The following ZNF736 variants were observed in gnomAD, a reference collection of about 807,000 sequenced individuals.
ZNF736 encodes the protein zinc finger protein 736.
ZNF736 carries 6 observed loss-of-function variants against 11.7 expected under a neutral mutation model. The ratio of observed to expected loss-of-function variants is 0.51; its 90% CI spans 0.28 to 1.01. The LOEUF is 1.01. Ranked by LOEUF, ZNF736 falls within the 50% of genes least tolerant of loss-of-function variation. ZNF736 has a pLI of 0.09. For missense variants in ZNF736, 444 were observed against 496.0 expected, an observed-to-expected ratio of 0.90 and a Z score of 1.00; for synonymous variants, 139 against 164.7, an observed-to-expected ratio of 0.84 and a Z score of 1.19.
In ZNF736 at chr7:64,319,488, CCTTTTTTTTT is replaced by C. The variant is rs886940865; in HGVS notation, c.3+5336_3+5345del. Among the ~76,000 whole-genome samples the C allele has an allele frequency of 1.1e-4, 8 of 75,266 alleles. 1 individual carries two copies. Among genetic ancestry groups the C allele is most frequent in the African/African-American group, 4.4e-4 (8 of 18,366 alleles). 49.4% of individuals were successfully genotyped at this position (75,266 alleles called of 152,430 possible). A position where few individuals can be genotyped will look rare whatever the true frequency, so the allele number is the denominator to read the frequency against. On this transcript the variant is annotated intron_variant, in intron 1 of 3. Coordinates refer to ENST00000423484, the MANE Select transcript of ZNF736 (RefSeq NM_001170905.3). ...CCAGGTAAATAGAAAACATTTCTTC[CCTTTTTTTTT>C]TTTTTTTTTTTTTTTGAGACAGAGT...
At chr7:64,337,121 T>G in intron 3 of ZNF736, 139 bp downstream of exon 3, 1 of 755,364 alleles carries the variant, frequency 1.3e-6, no homozygotes, top group African/African-American at 1.8e-5. Context: ...TTTCTCTTGC[T>G]TTAACATAGG....
At chr7:64,343,848 A>G (rs1444352817) in intron 3 of ZNF736, among the ~76,000 whole-genome samples, 1 of 152,230 alleles carries the variant, frequency 6.6e-6, no homozygotes, top group Non-Finnish European at 1.5e-5. Context: ...CAATGTTTGG[A>G]CAAAAGTCAG....
At chr7:64,346,369 T>C (rs189262270) in intron 3 of ZNF736, among the ~76,000 whole-genome samples, 2 of 152,176 alleles carry the variant, frequency 1.3e-5, no homozygotes, top group Admixed American at 1.3e-4. Context: ...CTTGAAGACA[T>C]GATATAGTTA....
chr7:64,344,570 A>C (rs1469161032), intron 3 of ZNF736, among the ~76,000 whole-genome samples: 1 of 152,198 alleles, frequency 6.6e-6, no homozygotes, highest in Non-Finnish European at 1.5e-5. Flanking sequence ...TGGCTGGCTT[A>C]CTAATTTAGC....
rs1281936738 is a variant in ZNF736, at chr7:64,350,492, T to C, written c.*1345T>C. ...CCCTTGCATTGGGTTGCAAATTACT[T>C]TTGTAACTCAGTGAAGTTTGTTTCT... On this transcript the variant is annotated 3_prime_UTR_variant, in exon 4 of 4. Coordinates refer to ENST00000423484, the MANE Select transcript of ZNF736 (RefSeq NM_001170905.3). 1 of 152,222 alleles carries C rather than the reference T, an allele frequency of 6.6e-6. No individual in the cohort carries two copies. Among genetic ancestry groups the C allele is most frequent in the African/African-American group, 2.4e-5 (1 of 41,460 alleles). The allele number at this position is 152,222 out of a possible 1,614,324, so 9.4% of individuals were successfully genotyped here.
At position 64,354,569 on chromosome 7, in the gene ZNF736, G is replaced by A. The variant is rs1789530455; in HGVS notation, c.*5422G>A. On this transcript the variant is annotated 3_prime_UTR_variant, in exon 4 of 4. Transcript: ENST00000423484. Reference sequence around the variant, plus strand: ...TGTGCAAATTCTTTTTTTGTTGTTTGTCTGTTTGCCTGTTGCTCACCATAG... The same window carrying A: ...TGTGCAAATTCTTTTTTTGTTGTTTATCTGTTTGCCTGTTGCTCACCATAG... 1 of 151,760 alleles carries A rather than the reference G, an allele frequency of 6.6e-6. No individual in the cohort carries two copies. Among genetic ancestry groups the A allele is most frequent in the South Asian group, 2.1e-4 (1 of 4,820 alleles). The allele number at this position is 151,760 out of a possible 1,614,324, so 9.4% of individuals were successfully genotyped here.
intron 3 of ZNF736, among the ~76,000 whole-genome samples, chr7:64,339,754 C>A (rs1482215699): frequency 7.2e-6 from 1 of 139,554 alleles, no homozygotes; most frequent in Non-Finnish European, 1.6e-5. Flanking sequence ...CTCAAAACTG[C>A]TTTGGATATT....
At position 64,336,944 on chromosome 7, in the gene ZNF736, G is replaced by C; in HGVS notation, c.188G>C (p.Trp63Ser). 1 of 1,605,124 alleles carries C rather than the reference G, an allele frequency of 6.2e-7. No homozygotes were observed. The highest frequency in any genetic ancestry group is 8.5e-7 in the Non-Finnish European group (1 of 1,175,584). ...MTCLEQRKEP[W>S]KVKRQEAVAK... ...TGTCTGGAGCAAAGAAAAGAGCCTT[G>C]GAAAGTGAAGAGACAGGAGGCAGTA... is the stretch of plus-strand genomic sequence containing the variant. Residue 63 changes from tryptophan to serine, a missense_variant, in exon 3 of 4, where the codon TGG becomes TCG. Coordinates refer to ENST00000423484, the MANE Select transcript of ZNF736 (RefSeq NM_001170905.3).
intron 3 of ZNF736, among the ~76,000 whole-genome samples, chr7:64,341,108 ATTCTGTTGTGAC>A (rs553359837): frequency 2.7e-4 from 41 of 151,978 alleles, no homozygotes; most frequent in African/African-American, 9.2e-4. Flanking sequence ...CTGATCATTA[ATTCTGTTGTGAC>A]TCTACAAAAT....
intron 1 of ZNF736, among the ~76,000 whole-genome samples, chr7:64,318,432 G>A (rs1313684588): frequency 6.6e-6 from 1 of 151,796 alleles, no homozygotes; most frequent in Admixed American, 6.6e-5. Flanking sequence ...CCATTTACAT[G>A]CTTTATTTAT....
At position 64,349,435 on chromosome 7, in the gene ZNF736, G is replaced by T. The variant is rs1373092051; in HGVS notation, c.*288G>T. 4 of 263,640 alleles carry T rather than the reference G, an allele frequency of 1.5e-5. No homozygotes were observed. Among genetic ancestry groups the T allele is most frequent in the Admixed American group, 9.6e-5 (2 of 20,940 alleles). The allele number at this position is 263,640 out of a possible 1,614,324, so 16.3% of individuals were successfully genotyped here. On this transcript the variant is annotated 3_prime_UTR_variant, in exon 4 of 4. Coordinates refer to ENST00000423484, the MANE Select transcript of ZNF736 (RefSeq NM_001170905.3). ...TTCCTGTTTTCTATTTGCTTGGTAG[G>T]CTTTTCTTTTTCCCTTTATTTTGAG...
chr7:64,317,361 A>G (rs1788932257), intron 1 of ZNF736, among the ~76,000 whole-genome samples: 1 of 152,200 alleles, frequency 6.6e-6, no homozygotes, highest in African/African-American at 2.4e-5. Flanking sequence ...TTTTTTTCCA[A>G]TAAAATGAAT....
chr7:64,341,488 T>G (rs1789336979), intron 3 of ZNF736, among the ~76,000 whole-genome samples: 1 of 152,194 alleles, frequency 6.6e-6, no homozygotes, highest in South Asian at 2.1e-4. Flanking sequence ...GTGTGTAATT[T>G]CTAAGTTAAA....
At position 64,343,301 on chromosome 7, in the gene ZNF736, G is replaced by GA. The variant is rs981491169; in HGVS notation, c.227-4782dup. 1.1e-4 allele frequency among the ~76,000 whole-genome samples: 17 copies of GA among 152,152 alleles called. No homozygotes were observed. The Middle Eastern group carries it at 0.01, about 92-fold the overall frequency. On this transcript the variant is annotated intron_variant, in intron 3 of 3. Transcript: ENST00000423484. The stretch of plus-strand genomic sequence containing the variant: ...AGCCCTTATCTTAAGTAAATTAATG[G>GA]AAAAAAACCAGAAAGGCAAATACTG...
At chr7:64,317,446 G>T (rs1242482790) in intron 1 of ZNF736, among the ~76,000 whole-genome samples, 4 of 152,080 alleles carry the variant, frequency 2.6e-5, no homozygotes, top group African/African-American at 9.7e-5. Flanking sequence ...AAACAGATTG[G>T]TGGCCATGCC....
intron 1 of ZNF736, among the ~76,000 whole-genome samples, chr7:64,329,043 G>C (rs1789121918): frequency 6.6e-6 from 1 of 151,094 alleles, no homozygotes; most frequent in Non-Finnish European, 1.5e-5. Flanking sequence ...CAGTTCTGCT[G>C]TTGAGAGACT....
intron 1 of ZNF736, among the ~76,000 whole-genome samples, chr7:64,325,588 G>A (rs1789072460): frequency 6.6e-6 from 1 of 152,128 alleles, no homozygotes; most frequent in South Asian, 2.1e-4. Context: ...AGACTTGGCT[G>A]TTGTAAGGGC....
chr7:64,338,511 T>A (rs1469109687), intron 3 of ZNF736, among the ~76,000 whole-genome samples: 1 of 152,124 alleles, frequency 6.6e-6, no homozygotes, highest in African/African-American at 2.4e-5. Context: ...TTTCTCCACC[T>A]CCAGGGCCTA....
chr7:64,316,621 T>C lies in ZNF736; in HGVS notation c.3+2468T>C, dbSNP rs367800261. 9.4e-4 allele frequency among the ~76,000 whole-genome samples: 143 copies of C among 152,248 alleles called. No individual in the cohort carries two copies. The East Asian group carries it at 0.011, about 12-fold the overall frequency. Reference sequence around the variant, plus strand: ...TGATTGACACATGAGTCTAAAACATTTGTGTTCCAGTCAGCACTACTTCTC... The same window carrying C: ...TGATTGACACATGAGTCTAAAACATCTGTGTTCCAGTCAGCACTACTTCTC... On this transcript the variant is annotated intron_variant, in intron 1 of 3. Coordinates refer to ENST00000423484, the MANE Select transcript of ZNF736 (RefSeq NM_001170905.3).
Sources: allele counts gnomAD v4.1 joint callset (sites outside exome capture counted in the v4.1 genomes callset), GRCh38; gene constraint gnomAD v4.1.1; transcripts MANE v1.5; gene names NCBI Gene and HGNC (gene_info 2026-07-23, HGNC 2026-07-21).